The following CSMD2 variants were observed in gnomAD, a reference collection of about 807,000 sequenced individuals.
The protein encoded by CSMD2 is CUB and sushi domain-containing protein 2.
A neutral mutation model predicts 398.5 loss-of-function variants in CSMD2; 130 were observed. That is an observed-to-expected ratio of 0.33 (90% CI 0.28 to 0.38). CSMD2 has a LOEUF of 0.38. Among genes scored for constraint, CSMD2 ranks in the 10% least tolerant of loss-of-function variants. The probability of loss-of-function intolerance (pLI) is 1.00; values close to 1 mark genes in which losing one functional copy is unlikely to be tolerated. For synonymous variants in CSMD2, 1,828 were observed against 1,908.5 expected, an observed-to-expected ratio of 0.96 and a Z score of 1.10; for missense variants, 3,829 against 4,764.9, an observed-to-expected ratio of 0.80 and a Z score of 5.78.
chr1:33,813,542 C>T (rs1009810208), intron 9 of CSMD2, among the ~76,000 whole-genome samples: 10 of 152,168 alleles, frequency 6.6e-5, no homozygotes, highest in African/African-American at 2.4e-4. Context: ...TTCTGGATCG[C>T]TTTCAGGAGA....
At chr1:33,674,452 A>G (rs1249084382) in intron 25 of CSMD2, among the ~76,000 whole-genome samples, 1 of 152,186 alleles carries the variant, frequency 6.6e-6, no homozygotes, top group Non-Finnish European at 1.5e-5. Context: ...ACCCAGATTC[A>G]TAAAGCAAGT....
intron 2 of CSMD2, among the ~76,000 whole-genome samples, chr1:34,060,093 G>A (rs1351658982): frequency 1.3e-5 from 2 of 152,170 alleles, no homozygotes; most frequent in Non-Finnish European, 2.9e-5. Context: ...CAGGAGCTGA[G>A]GATGAGGGCC....
At chr1:34,012,807 C>T (rs1647542214) in intron 3 of CSMD2, among the ~76,000 whole-genome samples, 1 of 152,136 alleles carries the variant, frequency 6.6e-6, no homozygotes, top group Admixed American at 6.6e-5. Context: ...AAAGATTATC[C>T]TTCAAACACA....
Position 34,089,156 on chromosome 1 carries a change from C to T in CSMD2, c.225G>A (p.Gly75=), listed in dbSNP as rs1658256742. 6.2e-7 allele frequency: 1 copy of T among 1,614,150 alleles called. No individual in the cohort carries two copies. Among genetic ancestry groups the T allele is most frequent in the South Asian group, 1.1e-5 (1 of 91,064 alleles). The stretch of plus-strand genomic sequence containing the variant: ...ATGGGAACCCTGGGCTCTCAACTGT[C>T]CCATTGGGACCGTGCAGTTGGAACG... ...NCTFQLHGPN[G]TVESPGFPYG... The change falls in exon 2 of 71, where the codon GGG becomes GGA. Residue 75 remains glycine (G), a synonymous_variant. Coordinates refer to ENST00000373381, the MANE Select transcript of CSMD2 (RefSeq NM_001281956.2).
intron 25 of CSMD2, among the ~76,000 whole-genome samples, chr1:33,685,891 C>T (rs570613101): frequency 2.7e-4 from 41 of 152,284 alleles, no homozygotes; most frequent in Non-Finnish European, 5.0e-4. Flanking sequence ...TTTGTGTTTC[C>T]GACTGCACAG....
chr1:33,948,130 G>T (rs1215838068), intron 3 of CSMD2, among the ~76,000 whole-genome samples: 2 of 152,156 alleles, frequency 1.3e-5, no homozygotes, highest in Non-Finnish European at 2.9e-5. Context: ...TGAACATTTT[G>T]CAGTTTGAGG....
At chr1:33,757,867 ATCCCTATTAAG>A (rs1241402221) in intron 13 of CSMD2, among the ~76,000 whole-genome samples, 6 of 152,118 alleles carry the variant, frequency 3.9e-5, no homozygotes, top group Non-Finnish European at 2.9e-5. Flanking sequence ...TCCTCATCAC[ATCCCTATTAAG>A]TGGAGGCCCT....
At chr1:33,860,775 A>T (rs1223608525) in intron 5 of CSMD2, 2 of 152,214 alleles carry the variant, frequency 1.3e-5, no homozygotes, top group African/African-American at 4.8e-5. Context: ...ACTTCATGTT[A>T]CTGCCACCAA....
At chr1:33,827,116 T>G (rs1056122464) in intron 6 of CSMD2, among the ~76,000 whole-genome samples, 6 of 152,202 alleles carry the variant, frequency 3.9e-5, no homozygotes, top group African/African-American at 1.4e-4. Flanking sequence ...ACCTTTCCCC[T>G]CATGACTGTG....
At chr1:34,154,307 C>G (rs142645289) in intron 1 of CSMD2, among the ~76,000 whole-genome samples, 3 of 152,288 alleles carry the variant, frequency 2.0e-5, no homozygotes, top group African/African-American at 7.2e-5. Flanking sequence ...ACCTGGCACA[C>G]CATTTCCATG....
At chr1:34,118,145 G>A (rs546542658) in intron 1 of CSMD2, among the ~76,000 whole-genome samples, 1 of 152,274 alleles carries the variant, frequency 6.6e-6, no homozygotes, top group African/African-American at 2.4e-5. Context: ...GAACCCAGGA[G>A]GCGAAGGTTG....
intron 25 of CSMD2, among the ~76,000 whole-genome samples, chr1:33,687,927 C>G (rs1254057576): frequency 6.6e-6 from 1 of 152,192 alleles, no homozygotes; most frequent in Non-Finnish European, 1.5e-5. Context: ...AATTAAATAT[C>G]CTATTGTCCA....
At chr1:34,116,879 A>T (rs776236069) in intron 1 of CSMD2, among the ~76,000 whole-genome samples, 4 of 152,074 alleles carry the variant, frequency 2.6e-5, no homozygotes, top group African/African-American at 4.8e-5. Flanking sequence ...TAAACACCAT[A>T]CTCTTGAAGA....
chr1:33,529,353 G>A (rs2148552509), intron 64 of CSMD2, among the ~76,000 whole-genome samples: 1 of 152,244 alleles, frequency 6.6e-6, no homozygotes, highest in Non-Finnish European at 1.5e-5. Flanking sequence ...TCCCTAGGGT[G>A]CCCAGACTGG....
intron 22 of CSMD2, among the ~76,000 whole-genome samples, chr1:33,706,290 A>G (rs1645775883): frequency 6.6e-6 from 1 of 152,018 alleles, no homozygotes; most frequent in Non-Finnish European, 1.5e-5. Context: ...TCATTTCCTT[A>G]TGAGATGTGG....
intron 56 of CSMD2, among the ~76,000 whole-genome samples, chr1:33,547,373 T>A (rs1241428557): frequency 6.6e-6 from 1 of 152,148 alleles, no homozygotes; most frequent in Non-Finnish European, 1.5e-5. Context: ...AGGAGAACAA[T>A]TACCGAATAA....
chr1:33,656,144 G>A (rs943078972), intron 27 of CSMD2, among the ~76,000 whole-genome samples: 2 of 152,072 alleles, frequency 1.3e-5, no homozygotes, highest in Non-Finnish European at 2.9e-5. Flanking sequence ...AGAAGGGAAG[G>A]ATGAAAAGAA....
At chr1:33,568,289 G>A (rs1414082097) in intron 52 of CSMD2, among the ~76,000 whole-genome samples, 2 of 150,858 alleles carry the variant, frequency 1.3e-5, no homozygotes, top group Non-Finnish European at 1.5e-5. Context: ...CTAGGTTCAA[G>A]GGATTCTCCT....
At chr1:33,745,702 A>G (rs1189907604) in intron 13 of CSMD2, among the ~76,000 whole-genome samples, 1 of 152,204 alleles carries the variant, frequency 6.6e-6, no homozygotes, top group Non-Finnish European at 1.5e-5. Context: ...CTTAAGACAC[A>G]TTCAGTCTCA....
Sources: allele counts gnomAD v4.1 joint callset (sites outside exome capture counted in the v4.1 genomes callset), GRCh38; gene constraint gnomAD v4.1.1; transcripts MANE v1.5; gene names NCBI Gene and HGNC (gene_info 2026-07-23, HGNC 2026-07-21).